Variants in CCDC122 observed in about 807,000 individuals in gnomAD.
CCDC122 encodes the protein coiled-coil domain-containing protein 122.
A neutral mutation model predicts 37.0 loss-of-function variants in CCDC122; 38 were observed. That is an observed-to-expected ratio of 1.03 (90% CI 0.79 to 1.35). The LOEUF is 1.35. Among genes scored for constraint, CCDC122 ranks in the 40% most tolerant of loss-of-function variants. CCDC122 has a pLI of 0.00. For missense variants in CCDC122, 305 were observed against 310.0 expected (o/e 0.98, Z 0.12); for synonymous variants, 83 against 95.6 (o/e 0.87, Z 0.77).
At chr13:43,869,910 C>T (rs1230558431) in intron 2 of CCDC122, among the ~76,000 whole-genome samples, 6 of 152,176 alleles carry the variant, frequency 3.9e-5, no homozygotes, top group South Asian at 2.1e-4. Context: ...AAATATAGCA[C>T]TCCTGTCCAG....
downstream of CCDC122, among the ~76,000 whole-genome samples, chr13:43,822,445 C>T (rs773120423): frequency 2.0e-5 from 3 of 152,246 alleles, no homozygotes; most frequent in Admixed American, 6.5e-5. Flanking sequence ...ACCTGGCTAC[C>T]GCCTATGATC....
intron 6 of CCDC122, among the ~76,000 whole-genome samples, chr13:43,845,500 C>G (rs1239548378): frequency 1.3e-5 from 2 of 152,200 alleles, no homozygotes; most frequent in Admixed American, 6.5e-5. Flanking sequence ...CACCTGAAGT[C>G]AGGAGTACAA....
chr13:43,831,672 G>T (rs1953091244), downstream of CCDC122, among the ~76,000 whole-genome samples: 1 of 152,160 alleles, frequency 6.6e-6, no homozygotes, highest in South Asian at 2.1e-4. Context: ...GCAAATATCT[G>T]TAATTTAAGT....
At chr13:43,827,880 T>A (rs1217889900) in intron 3 of CCDC122, among the ~76,000 whole-genome samples, 1 of 152,164 alleles carries the variant, frequency 6.6e-6, no homozygotes, top group East Asian at 1.9e-4. Flanking sequence ...GTCCTAAAGG[T>A]GGAGTTGGAG....
downstream of CCDC122, among the ~76,000 whole-genome samples, chr13:43,821,152 T>C (rs923805167): frequency 6.6e-6 from 1 of 152,228 alleles, no homozygotes. Context: ...TAGTCTTCTT[T>C]GGGTTAAATC....
chr13:43,869,007 G>C (rs1412341596), intron 3 of CCDC122, among the ~76,000 whole-genome samples: 1 of 151,946 alleles, frequency 6.6e-6, no homozygotes, highest in African/African-American at 2.4e-5. Context: ...GTTGCCTACT[G>C]CAATGTCATA....
At position 43,837,150 on chromosome 13, in the gene CCDC122, A is replaced by C. The variant is rs1953191212; in HGVS notation, c.*130T>G. ...ACTGATTTAAAAAAAACAACAACCG[A>C]AGACATCTGTCATTAAGACAGGTCT... On this transcript the variant is annotated 3_prime_UTR_variant, in exon 7 of 7. Transcript: ENST00000444614. 9.2e-6 allele frequency: 8 copies of C among 874,124 alleles called. No homozygotes were observed. Among genetic ancestry groups the C allele is most frequent in the African/African-American group, 3.4e-5 (2 of 59,190 alleles). 54.1% of individuals were successfully genotyped at this position (874,124 alleles called of 1,614,324 possible). A position where few individuals can be genotyped will look rare whatever the true frequency, so the allele number is the denominator to read the frequency against.
intron 4 of CCDC122, 131 bp downstream of exon 4, chr13:43,868,563 T>C: frequency 2.0e-6 from 1 of 493,138 alleles, no homozygotes; most frequent in South Asian, 4.2e-5. Flanking sequence ...AAACCTTACT[T>C]AGGGAGAACA....
chr13:43,819,640 G>A (rs1952980725), downstream of CCDC122, among the ~76,000 whole-genome samples: 1 of 151,880 alleles, frequency 6.6e-6, no homozygotes, highest in African/African-American at 2.4e-5. Flanking sequence ...GATAAATACA[G>A]TACTTCTTAT....
intron 6 of CCDC122, among the ~76,000 whole-genome samples, chr13:43,850,304 A>T (rs1953681121): frequency 6.6e-6 from 1 of 152,220 alleles, no homozygotes; most frequent in African/African-American, 2.4e-5. Context: ...CCAAAAAATA[A>T]GATCTCAAAC....
intron 6 of CCDC122, among the ~76,000 whole-genome samples, chr13:43,851,898 A>G (rs1313868644): frequency 2.0e-5 from 3 of 152,234 alleles, no homozygotes; most frequent in Admixed American, 2.0e-4. Context: ...AGCTAGTCAG[A>G]TGAATCCACC....
chr13:43,849,110 CTT>C (rs1181207830), intron 6 of CCDC122: 86 of 841,608 alleles, frequency 1.0e-4, no homozygotes, highest in Non-Finnish European at 1.1e-4. Context: ...AAGTTCTTAA[CTT>C]TTCATTTTTT....
At chr13:43,827,583 C>T (rs1984170) in intron 3 of CCDC122, among the ~76,000 whole-genome samples, 136,437 of 152,248 alleles carry the variant, frequency 0.9, 61,968 homozygotes, top group South Asian at 0.98. Flanking sequence ...GCATGGCTTG[C>T]GTGGGTCCAC....
intron 6 of CCDC122, chr13:43,849,048 TG>T: frequency 1.1e-6 from 1 of 939,378 alleles, no homozygotes; most frequent in East Asian, 1.2e-4. Flanking sequence ...TTTAAGAAAA[TG>T]GTCTGACTAT....
chr13:43,868,609 C>A (rs1954349131), intron 4 of CCDC122, 85 bp downstream of exon 4: 2 of 664,170 alleles, frequency 3.0e-6, no homozygotes, highest in Admixed American at 3.4e-5. Context: ...AAAGTGACTC[C>A]CAATAATAAG....
intron 4 of CCDC122, among the ~76,000 whole-genome samples, chr13:43,862,685 T>C (rs868496535): frequency 1.3e-5 from 2 of 152,246 alleles, no homozygotes; most frequent in Non-Finnish European, 2.9e-5. Context: ...ATTCATTCAA[T>C]AAATGAGTGA....
intron 6 of CCDC122, chr13:43,848,796 T>A (rs2153871999): frequency 1.2e-6 from 1 of 820,300 alleles, no homozygotes; most frequent in Admixed American, 6.2e-5. Flanking sequence ...ACACAATATT[T>A]AAAATAATTA....
At position 43,836,856 on chromosome 13, in the gene CCDC122, C is replaced by CAAAAAAAA. The variant is rs11420172; in HGVS notation, c.*416_*423dup. On this transcript the variant is annotated 3_prime_UTR_variant, in exon 7 of 7. Coordinates refer to ENST00000444614, the MANE Select transcript of CCDC122 (RefSeq NM_144974.5). ...TGGGCGACAGAGCGAGACTCCGTCT[C>CAAAAAAAA]AAAAAAAAAAAAAAAAAAAAAGTTC... The CAAAAAAAA allele has an allele frequency of 1.2e-5, 1 of 82,126 alleles. No homozygotes were observed. The allele number at this position is 82,126 out of a possible 1,614,324, so 5.1% of individuals were successfully genotyped here.
chr13:43,878,905 C>G (rs1450058321), intron 1 of CCDC122, among the ~76,000 whole-genome samples: 1 of 152,144 alleles, frequency 6.6e-6, no homozygotes, highest in Admixed American at 6.5e-5. Context: ...GGAGAGACAA[C>G]AGCTTGTTTC....
Sources: gnomAD v4.1 joint callset for allele counts (sites outside exome capture counted in the v4.1 genomes callset) on GRCh38, gnomAD v4.1.1 for gene constraint, MANE v1.5 for transcripts, NCBI Gene and HGNC (gene_info 2026-07-23, HGNC 2026-07-21) for gene names.